RAD51B: variants seen among roughly 807,000 people sequenced by gnomAD.
RAD51B encodes the protein DNA repair protein RAD51 homolog 2.
In RAD51B, 38 loss-of-function variants were observed where a neutral mutation model predicts 42.2. That is an observed-to-expected ratio of 0.90 (90% confidence interval 0.70 to 1.18). RAD51B has a LOEUF of 1.18. Ranked by LOEUF, RAD51B falls within the 50% of genes most tolerant of loss-of-function variation. The probability of loss-of-function intolerance (pLI) is 0.00; values close to 1 mark genes in which losing one functional copy is unlikely to be tolerated. For missense variants in RAD51B, 373 were observed against 400.7 expected (o/e 0.93, Z 0.59); for synonymous variants, 154 against 145.2 (o/e 1.06, Z -0.43).
rs577095448 is a variant in RAD51B at position 68,379,493 on chromosome 14, G to A, written c.854-31931G>A. ...TCTATGATCGGTGTCCTAGGCCTTA[G>A]AGTGGACATGGAGAATGGTATCACT... On this transcript the variant is annotated intron_variant, in intron 8 of 10. Transcript: ENST00000471583. Among the ~76,000 whole-genome samples the A allele has an allele frequency of 2.0e-5, 3 of 152,308 alleles. No individual in the cohort carries two copies. The South Asian group carries it at 6.2e-4, about 32-fold the overall frequency.
chr14:67,874,327 A>T (rs906913158), intron 5 of RAD51B, among the ~76,000 whole-genome samples: 2 of 152,152 alleles, frequency 1.3e-5, no homozygotes, highest in Non-Finnish European at 2.9e-5. Context: ...GGTTTGTTGA[A>T]CCCACAGCCC....
At chr14:68,190,984 C>A (rs184802932) in intron 7 of RAD51B, among the ~76,000 whole-genome samples, 51 of 151,980 alleles carry the variant, frequency 3.4e-4, no homozygotes, top group African/African-American at 1.2e-3. Flanking sequence ...TCTTTATTTC[C>A]CAATGTTAAT....
intron 8 of RAD51B, chr14:68,387,052 A>G (rs2083609625): frequency 6.6e-6 from 1 of 152,190 alleles, no homozygotes; most frequent in Non-Finnish European, 1.5e-5. Context: ...TGTATCAGGG[A>G]TGGTTGTTGC....
At chr14:68,037,033 TCCC>T (rs199949867) in intron 7 of RAD51B, among the ~76,000 whole-genome samples, 1 of 41,046 alleles carries the variant, frequency 2.4e-5, no homozygotes, top group Non-Finnish European at 4.7e-5. Flanking sequence ...TTACCCTCCC[TCCC>T]CCCCTCCCTT....
At chr14:68,052,297 A>G (rs2076405531) in intron 7 of RAD51B, among the ~76,000 whole-genome samples, 1 of 152,168 alleles carries the variant, frequency 6.6e-6, no homozygotes, top group African/African-American at 2.4e-5. Flanking sequence ...AATAATAGTA[A>G]TAATAACTAA....
intron 9 of RAD51B, among the ~76,000 whole-genome samples, chr14:68,446,128 A>G (rs961285524): frequency 5.3e-5 from 8 of 152,236 alleles, no homozygotes; most frequent in Non-Finnish European, 4.4e-5. Flanking sequence ...TGCCAGGCAC[A>G]TGATAAGAGC....
At chr14:68,267,652 A>C (rs1294238456) in intron 7 of RAD51B, among the ~76,000 whole-genome samples, 1 of 152,218 alleles carries the variant, frequency 6.6e-6, no homozygotes, top group African/African-American at 2.4e-5. Flanking sequence ...TCAAACCCAT[A>C]AGGGAATTTA....
intron 8 of RAD51B, among the ~76,000 whole-genome samples, chr14:68,329,070 A>G (rs1254778754): frequency 6.6e-6 from 1 of 152,168 alleles, no homozygotes; most frequent in Non-Finnish European, 1.5e-5. Flanking sequence ...GTGCAGTGGC[A>G]TGATCATAGC....
In RAD51B at chr14:68,411,427, C is replaced by T. The variant is rs147461187; in HGVS notation, c.857C>T (p.Thr286Ile). ...PADDLSLSEG[T>I]SGSSCVIAAL... ...TGCTTTTACCATTTCATTTCAGGCA[C>T]TTCTGGATCCAGCTGTGTGATAGCC... The change falls in exon 9 of 11, where the codon ACT (threonine) becomes ATT (isoleucine). Residue 286 changes from threonine to isoleucine, a missense_variant. By Grantham distance (89) the Thr-to-Ile change is moderately conservative. Transcript: ENST00000471583. 22 of 1,613,990 alleles carry T rather than the reference C, an allele frequency of 1.4e-5. No individual in the cohort carries two copies. The African/African-American group carries it at 2.7e-4, about 20-fold the overall frequency.
At chr14:68,540,184 TTTTTTTTA>T in intron 10 of RAD51B, 1 of 954,072 alleles carries the variant, frequency 1.0e-6, no homozygotes, top group African/African-American at 1.8e-5. Context: ...TTTTTTTTTT[TTTTTTTTA>T]AATACAGGAT....
At chr14:68,644,868 CA>C (rs1293008477) in intron 10 of RAD51B, among the ~76,000 whole-genome samples, 1 of 152,144 alleles carries the variant, frequency 6.6e-6, no homozygotes, top group African/African-American at 2.4e-5. Context: ...TATCAGTACT[CA>C]GGAAGAACCA....
At chr14:68,610,756 T>A (rs1449347472) in intron 10 of RAD51B, among the ~76,000 whole-genome samples, 1 of 151,968 alleles carries the variant, frequency 6.6e-6, no homozygotes, top group East Asian at 1.9e-4. Context: ...AAGGCCTACC[T>A]CCTCCAAAGG....
intron 4 of RAD51B, among the ~76,000 whole-genome samples, chr14:67,835,883 A>C (rs911229951): frequency 1.3e-5 from 2 of 152,074 alleles, no homozygotes; most frequent in African/African-American, 4.8e-5. Flanking sequence ...AAATATTATG[A>C]AATAATATTA....
At chr14:68,235,752 G>A (rs764069704) in intron 7 of RAD51B, among the ~76,000 whole-genome samples, 2 of 148,826 alleles carry the variant, frequency 1.3e-5, no homozygotes, top group Non-Finnish European at 3.0e-5. Context: ...TCTTACCTGC[G>A]TGCATGTGTT....
intron 7 of RAD51B, among the ~76,000 whole-genome samples, chr14:67,987,133 G>A (rs1466566780): frequency 2.0e-5 from 3 of 152,106 alleles, no homozygotes; most frequent in East Asian, 1.9e-4. Context: ...TAATAATCAC[G>A]TCATGGAGAA....
chr14:68,205,970 A>C (rs1401173106), intron 7 of RAD51B, among the ~76,000 whole-genome samples: 1 of 152,130 alleles, frequency 6.6e-6, no homozygotes, highest in Non-Finnish European at 1.5e-5. Context: ...TCAAAGATAC[A>C]ATAGTGTTGT....
chr14:68,384,152 A>G (rs1019408381), intron 8 of RAD51B, among the ~76,000 whole-genome samples: 1 of 152,238 alleles, frequency 6.6e-6, no homozygotes, highest in Non-Finnish European at 1.5e-5. Flanking sequence ...ATTTGCATCA[A>G]TGAAGTTTAT....
At chr14:67,968,155 T>A (rs1595180778) in intron 7 of RAD51B, among the ~76,000 whole-genome samples, 1 of 152,340 alleles carries the variant, frequency 6.6e-6, no homozygotes, top group East Asian at 1.9e-4. Context: ...GTGGCTGGGA[T>A]GCAGGGCACC....
At chr14:68,109,229 G>C (rs1283061101) in intron 7 of RAD51B, among the ~76,000 whole-genome samples, 2 of 151,974 alleles carry the variant, frequency 1.3e-5, no homozygotes, top group African/African-American at 4.8e-5. Flanking sequence ...CCTGGCCAGA[G>C]CGTAAGAGTC....
Sources: gnomAD v4.1 joint callset for allele counts (sites outside exome capture counted in the v4.1 genomes callset) on GRCh38, gnomAD v4.1.1 for gene constraint, MANE v1.5 for transcripts, NCBI Gene and HGNC (gene_info 2026-07-23, HGNC 2026-07-21) for gene names.